Variants in EPCAM observed in about 807,000 individuals in gnomAD.
The protein encoded by EPCAM is epithelial cell adhesion molecule, also known as adenocarcinoma-associated antigen.
A neutral mutation model predicts 40.0 loss-of-function variants in EPCAM; 39 were observed. The ratio of observed to expected loss-of-function variants is 0.98; its 90% CI spans 0.76 to 1.27. The LOEUF (loss-of-function observed/expected upper bound fraction) is 1.27, where lower values mean the gene tolerates loss of function less well. Ranked by LOEUF, EPCAM falls within the 50% of genes most tolerant of loss-of-function variation. The probability of loss-of-function intolerance (pLI) is 0.00; values close to 1 mark genes in which losing one functional copy is unlikely to be tolerated. For missense variants in EPCAM, 503 were observed against 381.2 expected, an observed-to-expected ratio of 1.32 and a Z score of -2.66; for synonymous variants, 168 against 132.3, an observed-to-expected ratio of 1.27 and a Z score of -1.85.
rs1191990593 is a variant in EPCAM, at chr2:47,379,892, A to G, written c.781A>G (p.Met261Val). ...YVDEKAPEFS[M>V]QGLKAGVIAV... The stretch of plus-strand genomic sequence containing the variant: ...TGATGAAAAAGCACCTGAATTCTCA[A>G]TGCAGGGTCTAAAAGCTGGTGTTAT... The change falls in exon 7 of 9, where the codon ATG (methionine) becomes GTG (valine). Residue 261 changes from methionine (M) to valine (V), a missense_variant. Met to Val is a conservative substitution (Grantham distance 21). Transcript: ENST00000263735. 1 of 1,614,198 alleles carries G rather than the reference A, an allele frequency of 6.2e-7. No homozygotes were observed. The highest frequency in any genetic ancestry group is 1.7e-5 in the Admixed American group (1 of 60,010).
intron 7 of EPCAM, chr2:47,383,317 A>AG: frequency 6.5e-6 from 1 of 153,814 alleles, no homozygotes. Flanking sequence ...AAAAAAAAAA[A>AG]AAAAGAAAAG....
intron 5 of EPCAM, among the ~76,000 whole-genome samples, chr2:47,378,468 A>G (rs1193526290): frequency 2.0e-5 from 3 of 151,412 alleles, no homozygotes; most frequent in African/African-American, 7.3e-5. Context: ...ACGCCTGGCT[A>G]ATTTTGTATT....
intron 7 of EPCAM, among the ~76,000 whole-genome samples, chr2:47,381,869 T>A (rs533288804): frequency 6.6e-6 from 1 of 152,256 alleles, no homozygotes; most frequent in Non-Finnish European, 1.5e-5. Flanking sequence ...TGGACTTAAG[T>A]AATCCTCCTG....
At chr2:47,372,190 A>C (rs1488856438) in intron 1 of EPCAM, among the ~76,000 whole-genome samples, 2 of 152,194 alleles carry the variant, frequency 1.3e-5, no homozygotes, top group Non-Finnish European at 2.9e-5. Flanking sequence ...TTGAAAGTGT[A>C]ATTTTTCCAA....
Position 47,385,215 on chromosome 2 carries a change from A to G in EPCAM, c.903+5A>G, listed in dbSNP as rs199784016. 1.5e-5 allele frequency: 24 copies of G among 1,609,484 alleles called. No homozygotes were observed. In the East Asian group the frequency reaches 5.4e-4, roughly 36 times the overall value. Reference sequence around the variant, plus strand: ...GCAAAGTATGAGAAGGCTGAGGTAAATGGATTACTTACCTAAATAGAAAGG... The same window carrying G: ...GCAAAGTATGAGAAGGCTGAGGTAAGTGGATTACTTACCTAAATAGAAAGG... On this transcript the variant is annotated splice_donor_5th_base_variant and intron_variant, in intron 8 of 8. Transcript: ENST00000263735.
Position 47,374,047 on chromosome 2 carries a change from T to G in EPCAM, c.424T>G (p.Tyr142Asp). The change falls in exon 3 of 9, where the codon TAC becomes GAC. Residue 142 changes from tyrosine to aspartate, a missense_variant and splice_region_variant. Tyr to Asp is a radical substitution (Grantham distance 160). Transcript: ENST00000263735. ...AACCTGCTCTGAGCGAGTGAGAACC[T>G]AGTGAGTGGGGCTGCCTATACTACT... Reference protein sequence around the residue: ...EITCSERVRTYWIIIELKHKA... With the variant: ...EITCSERVRTDWIIIELKHKA... 1 of 1,614,206 alleles carries G rather than the reference T, an allele frequency of 6.2e-7. No individual in the cohort carries two copies. The highest frequency in any genetic ancestry group is 8.5e-7 in the Non-Finnish European group (1 of 1,180,032).
chr2:47,381,701 C>G (rs962232562), intron 7 of EPCAM, among the ~76,000 whole-genome samples: 1 of 152,084 alleles, frequency 6.6e-6, no homozygotes, highest in Non-Finnish European at 1.5e-5. Context: ...AATGTTTGTA[C>G]AACCTTGTGG....
At chr2:47,382,690 A>G (rs1000140374) in intron 7 of EPCAM, among the ~76,000 whole-genome samples, 1 of 152,212 alleles carries the variant, frequency 6.6e-6, no homozygotes, top group Non-Finnish European at 1.5e-5. Context: ...CTGTCTCAAA[A>G]AATGAATAAA....
chr2:47,379,110 T>C (rs943572386), intron 6 of EPCAM, 56 bp downstream of exon 6: 9 of 929,412 alleles, frequency 9.7e-6, no homozygotes, highest in Admixed American at 6.8e-5. Flanking sequence ...CATGCCTCAA[T>C]GAATTAAATA....
intron 1 of EPCAM, among the ~76,000 whole-genome samples, chr2:47,373,231 A>AAAAAAAAAC (rs1558434793): frequency 2.2e-5 from 3 of 137,230 alleles, no homozygotes; most frequent in Non-Finnish European, 3.3e-5. Flanking sequence ...AAAAAAAAAA[A>AAAAAAAAAC]AAAACAGGAA....
At chr2:47,372,743 G>A (rs1671308171) in intron 1 of EPCAM, among the ~76,000 whole-genome samples, 1 of 151,900 alleles carries the variant, frequency 6.6e-6, no homozygotes, top group African/African-American at 2.4e-5. Flanking sequence ...CTGCAATCCA[G>A]CCTGCACGAC....
intron 1 of EPCAM, among the ~76,000 whole-genome samples, chr2:47,370,573 C>T (rs990107844): frequency 3.4e-5 from 5 of 148,984 alleles, no homozygotes; most frequent in Non-Finnish European, 7.4e-5. Context: ...CCGTGCCCGG[C>T]CTATTTTATT....
chr2:47,372,090 A>G (rs1671285147), intron 1 of EPCAM, among the ~76,000 whole-genome samples: 1 of 152,222 alleles, frequency 6.6e-6, no homozygotes, highest in Non-Finnish European at 1.5e-5. Context: ...TCAATAATAC[A>G]GAATGGGCTG....
At position 47,385,163 on chromosome 2, in the gene EPCAM, C is replaced by G. The variant is rs201314303; in HGVS notation, c.859-3C>G. On this transcript the variant is annotated splice_polypyrimidine_tract_variant and splice_region_variant and intron_variant, in intron 7 of 8. Coordinates refer to ENST00000263735, the MANE Select transcript of EPCAM (RefSeq NM_002354.3). ...AAACAATAGTTGTCTTTCTTCCACT[C>G]AGGTTATTTCCAGAAAGAAGAGAAT... is the stretch of plus-strand genomic sequence containing the variant. 135 of 1,610,748 alleles carry G rather than the reference C, an allele frequency of 8.4e-5. No individual in the cohort carries two copies. The highest frequency in any genetic ancestry group is 5.1e-5 in the Non-Finnish European group (60 of 1,177,208).
chr2:47,380,523 G>A (rs773448656), intron 7 of EPCAM, among the ~76,000 whole-genome samples: 1 of 152,122 alleles, frequency 6.6e-6, no homozygotes, highest in Non-Finnish European at 1.5e-5. Context: ...CAGTTAAATT[G>A]CCATCTAGCA....
chr2:47,378,694 G>A (rs1280796747), intron 5 of EPCAM, among the ~76,000 whole-genome samples: 1 of 152,050 alleles, frequency 6.6e-6, no homozygotes, highest in African/African-American at 2.4e-5. Flanking sequence ...TTCAATATAA[G>A]AAAATCCTCT....
At position 47,373,087 on chromosome 2, in the gene EPCAM, C is replaced by G. The variant is rs111520510; in HGVS notation, c.77-376C>G. Among the ~76,000 whole-genome samples, 425 of 151,890 alleles carry G rather than the reference C, an allele frequency of 2.8e-3. 4 individuals are homozygous for G. Among genetic ancestry groups the G allele is most frequent in the African/African-American group, 9.7e-3 (402 of 41,422 alleles). ...AGGCATGGTGGTGCATGGCTGTAGT[C>G]CCAGCTACTTGGGAGGCTGAGACAG... On this transcript the variant is annotated intron_variant, in intron 1 of 8. Transcript: ENST00000263735.
intron 7 of EPCAM, among the ~76,000 whole-genome samples, chr2:47,381,125 A>T (rs1184740132): frequency 1.5e-5 from 2 of 131,862 alleles, no homozygotes; most frequent in African/African-American, 5.8e-5. Flanking sequence ...GGCCAGGCAC[A>T]GTGGCTCATG....
rs2103759031 is a variant in EPCAM, at chr2:47,379,851, C to G, written c.740C>G (p.Thr247Ser). 4 of 1,614,044 alleles carry G rather than the reference C, an allele frequency of 2.5e-6. No homozygotes were observed. Among genetic ancestry groups the G allele is most frequent in the Non-Finnish European group, 3.4e-6 (4 of 1,180,022 alleles). ...GEQLDLDPGQ[T>S]LIYYVDEKAP... ...CAACTGGATCTGGATCCTGGTCAAA[C>G]TTTAATTTATTATGTTGATGAAAAA... is the stretch of plus-strand genomic sequence containing the variant. Residue 247 changes from threonine to serine, a missense_variant, in exon 7 of 9, where the codon ACT becomes AGT. Physicochemically the swap from Thr to Ser is moderately conservative, Grantham distance 58. Transcript: ENST00000263735.
Sources: gnomAD v4.1 joint callset for allele counts (sites outside exome capture counted in the v4.1 genomes callset) on GRCh38, gnomAD v4.1.1 for gene constraint, MANE v1.5 for transcripts, NCBI Gene and HGNC (gene_info 2026-07-23, HGNC 2026-07-21) for gene names.